The following PAH variants were observed in gnomAD, a reference collection of about 807,000 sequenced individuals.
PAH encodes phenylalanine hydroxylase, also known as phenylalanine-4-hydroxylase.
PAH carries 64 observed loss-of-function variants against 62.0 expected under a neutral mutation model. That is an observed-to-expected ratio of 1.03 (90% confidence interval 0.84 to 1.27). The LOEUF is 1.27. Among genes scored for constraint, PAH ranks in the 50% most tolerant of loss-of-function variants. PAH has a pLI of 0.00. For missense variants in PAH, 579 were observed against 542.8 expected (o/e 1.07, Z -0.66); for synonymous variants, 195 against 196.2 (o/e 0.99, Z 0.05).
chr12:102,839,067 G>A lies in PAH; in HGVS notation c.*108C>T, dbSNP rs1377203367. 3 of 913,684 alleles carry A rather than the reference G, an allele frequency of 3.3e-6. No individual in the cohort carries two copies. Among genetic ancestry groups the A allele is most frequent in the African/African-American group, 1.6e-5 (1 of 61,018 alleles). The allele number at this position is 913,684 out of a possible 1,614,324, so 56.6% of individuals were successfully genotyped here. A position where few individuals can be genotyped will look rare whatever the true frequency, so the allele number is the denominator to read the frequency against. ...TTCTCCATCTTGTAAAGGATTTAAG[G>A]CTGTTATTTCAAATTAAGGTTTGCT... On this transcript the variant is annotated 3_prime_UTR_variant, in exon 13 of 13. Coordinates refer to ENST00000553106, the MANE Select transcript of PAH (RefSeq NM_000277.3).
intron 2 of PAH, among the ~76,000 whole-genome samples, chr12:102,907,011 T>C (rs1226470866): frequency 6.6e-6 from 1 of 152,216 alleles, no homozygotes; most frequent in Non-Finnish European, 1.5e-5. Context: ...AGAGGAGAGA[T>C]GAGAAAAGAC....
upstream of PAH, among the ~76,000 whole-genome samples, chr12:102,955,307 G>C (rs1462513835): frequency 6.6e-6 from 1 of 152,172 alleles, no homozygotes; most frequent in African/African-American, 2.4e-5. Context: ...TTTCTAAGCT[G>C]TTAGATACAA....
At chr12:102,908,917 C>T (rs2136722615) in intron 2 of PAH, among the ~76,000 whole-genome samples, 1 of 137,914 alleles carries the variant, frequency 7.3e-6, no homozygotes, top group South Asian at 2.3e-4. Flanking sequence ...TCTCAGCTTT[C>T]TGCAACCTCT....
At chr12:102,942,737 G>A (rs1452829622) in intron 1 of PAH, among the ~76,000 whole-genome samples, 1 of 151,910 alleles carries the variant, frequency 6.6e-6, no homozygotes, top group South Asian at 2.1e-4. Context: ...AATGGAACAG[G>A]TTAGAGAATT....
In PAH at chr12:102,917,211, G is replaced by T; in HGVS notation, c.-81C>A. The T allele has an allele frequency of 8.2e-7, 1 of 1,221,808 alleles. No individual in the cohort carries two copies. The highest frequency in any genetic ancestry group is 1.2e-6 in the Non-Finnish European group (1 of 825,558). The allele number at this position is 1,221,808 out of a possible 1,614,324, so 75.7% of individuals were successfully genotyped here. A position where few individuals can be genotyped will look rare whatever the true frequency, so the allele number is the denominator to read the frequency against. Reference sequence around the variant, plus strand: ...TTTGCAAACAGCACGTGGGGCTGAAGGTTTTAACCTCGCACTAGGGAGGAG... The same window carrying T: ...TTTGCAAACAGCACGTGGGGCTGAATGTTTTAACCTCGCACTAGGGAGGAG... On this transcript the variant is annotated 5_prime_UTR_variant, in exon 1 of 13. Coordinates refer to ENST00000553106, the MANE Select transcript of PAH (RefSeq NM_000277.3).
chr12:102,853,947 C>G (rs1875292710), intron 6 of PAH, among the ~76,000 whole-genome samples: 1 of 152,200 alleles, frequency 6.6e-6, no homozygotes, highest in Non-Finnish European at 1.5e-5. Context: ...CAGCCACAGG[C>G]AGTCTAGCTT....
At chr12:102,950,274 A>G (rs1410772343) in intron 1 of PAH, 1 of 152,262 alleles carries the variant, frequency 6.6e-6, no homozygotes, top group Non-Finnish European at 1.5e-5. Flanking sequence ...TGCTGCAAAT[A>G]CTTGGCCTAG....
At chr12:102,952,919 C>T (rs958812567), upstream of PAH, among the ~76,000 whole-genome samples, 2 of 152,206 alleles carry the variant, frequency 1.3e-5, no homozygotes, top group Admixed American at 6.5e-5. Context: ...GCAGGCCCTC[C>T]AAGGCTGGTG....
At chr12:102,864,775 C>T (rs1260797979) in intron 5 of PAH, among the ~76,000 whole-genome samples, 1 of 126,180 alleles carries the variant, frequency 7.9e-6, no homozygotes, top group Non-Finnish European at 1.6e-5. Flanking sequence ...TACACTTAAG[C>T]AAGTAGGCAA....
In PAH at chr12:102,917,095, G is replaced by A. The variant is rs1878412945; in HGVS notation, c.36C>T (p.Gly12=). The change falls in exon 1 of 13, where the codon GGC becomes GGT. Residue 12 remains glycine, a synonymous_variant. Transcript: ENST00000553106. ...CCTGTCCAAAGTCAGAGAGTTTCCT[G>A]CCCAAGCCTGGGTTTTCCAGGACCG... is the stretch of plus-strand genomic sequence containing the variant. ...STAVLENPGL[G]RKLSDFGQET... The A allele has an allele frequency of 6.2e-7, 1 of 1,614,072 alleles. No individual in the cohort carries two copies. Among genetic ancestry groups the A allele is most frequent in the Non-Finnish European group, 8.5e-7 (1 of 1,180,044 alleles).
intron 2 of PAH, among the ~76,000 whole-genome samples, chr12:102,896,165 A>T (rs1877494827): frequency 2.0e-5 from 3 of 152,190 alleles, no homozygotes; most frequent in Admixed American, 6.5e-5. Flanking sequence ...GGCAGATTGC[A>T]GGACTAAATA....
At chr12:102,958,392 G>T, upstream of PAH, 1 of 1,392,834 alleles carries the variant, frequency 7.2e-7, no homozygotes, top group Non-Finnish European at 9.4e-7. Context: ...AGCGCAGAGC[G>T]CGCAGCAGCA....
At chr12:102,843,563 C>G in intron 11 of PAH, 83 bp downstream of exon 11, 1 of 1,446,326 alleles carries the variant, frequency 6.9e-7, no homozygotes, top group East Asian at 2.3e-5. Context: ...TTGGAGTCCA[C>G]TCTCCTGGCC....
chr12:102,920,437 T>G (rs1878523204), upstream of PAH, among the ~76,000 whole-genome samples: 1 of 152,228 alleles, frequency 6.6e-6, no homozygotes, highest in African/African-American at 2.4e-5. Flanking sequence ...GTTGTGTACT[T>G]GGCAAACTTA....
rs1315260421 is a variant in PAH at position 102,866,616 on chromosome 12, G to T, written c.489C>A (p.Asp163Glu). Reference protein sequence around the residue: ...VYRARRKQFADIAYNYRHGQP... With the variant: ...VYRARRKQFAEIAYNYRHGQP... ...CTTACTGGCGGTAGTTGTAGGCAATGTCAGCAAACTGCTTCCGTCTTGCAC... is the reference window on the plus strand; with the variant it reads ...CTTACTGGCGGTAGTTGTAGGCAATTTCAGCAAACTGCTTCCGTCTTGCAC... The change falls in exon 5 of 13, where the codon GAC (aspartate) becomes GAA (glutamate). Residue 163 changes from aspartate to glutamate, a missense_variant. Physicochemically the swap from Asp to Glu is conservative, Grantham distance 45 (BLOSUM62 2). Transcript: ENST00000553106. 1.1e-5 allele frequency: 18 copies of T among 1,613,710 alleles called. No homozygotes were observed. The highest frequency in any genetic ancestry group is 1.4e-5 in the Non-Finnish European group (17 of 1,179,688).
At chr12:102,869,273 T>A (rs942060942) in intron 4 of PAH, among the ~76,000 whole-genome samples, 6 of 152,238 alleles carry the variant, frequency 3.9e-5, no homozygotes, top group Non-Finnish European at 7.3e-5. Context: ...GCTAATGTAA[T>A]ACTGTATACC....
intron 8 of PAH, among the ~76,000 whole-genome samples, chr12:102,849,744 C>T (rs1875065037): frequency 2.0e-5 from 3 of 152,206 alleles, no homozygotes; most frequent in Admixed American, 2.0e-4. Flanking sequence ...TTCTCTTAGT[C>T]ACCATTCTTT....
chr12:102,891,230 C>T (rs550003537), intron 3 of PAH, among the ~76,000 whole-genome samples: 45 of 152,290 alleles, frequency 3.0e-4, no homozygotes, highest in African/African-American at 1.0e-3. Flanking sequence ...GTGTCTTCCC[C>T]TTTGCCAGGC....
Position 102,855,155 on chromosome 12 carries a change from G to A in PAH, c.687C>T (p.Asp229=), listed in dbSNP as rs966010608. ...ACTTACTCTGCAGGAACTGAGAAAC[G>A]TCTTCCAGCTGGGGAATGTTATCTT... ...FHEDNIPQLE[D]VSQFLQTCTG... Residue 229 remains aspartate, a synonymous_variant, in exon 6 of 13, where the codon GAC becomes GAT. Transcript: ENST00000553106. The A allele has an allele frequency of 7.4e-6, 12 of 1,613,848 alleles. No individual in the cohort carries two copies. Among genetic ancestry groups the A allele is most frequent in the South Asian group, 2.2e-5 (2 of 91,086 alleles).
Sources: allele counts gnomAD v4.1 joint callset (sites outside exome capture counted in the v4.1 genomes callset), GRCh38; gene constraint gnomAD v4.1.1; transcripts MANE v1.5; gene names NCBI Gene and HGNC (gene_info 2026-07-23, HGNC 2026-07-21).